ATP9B: variants seen among roughly 807,000 people sequenced by gnomAD.
ATP9B encodes the protein probable phospholipid-transporting ATPase IIB.
A neutral mutation model predicts 146.1 loss-of-function variants in ATP9B; 110 were observed. The ratio of observed to expected loss-of-function variants is 0.75; its 90% CI spans 0.65 to 0.88. The LOEUF (loss-of-function observed/expected upper bound fraction) is 0.88. Among genes scored for constraint, ATP9B ranks in the 40% least tolerant of loss-of-function variants. The pLI is 0.00. For missense variants in ATP9B, 1,499 were observed against 1,496.4 expected, an observed-to-expected ratio of 1.00 and a Z score of -0.03; for synonymous variants, 604 against 569.7, an observed-to-expected ratio of 1.06 and a Z score of -0.86.
At chr18:79,310,796 T>TG (rs397954305) in intron 15 of ATP9B, among the ~76,000 whole-genome samples, 2 of 151,968 alleles carry the variant, frequency 1.3e-5, no homozygotes, top group Non-Finnish European at 2.9e-5. Context: ...GGTTTTTTTT[T>TG]GTTTCCTTTT....
rs372135221 is a variant in ATP9B at position 79,143,765 on chromosome 18, G to T, written c.668-37G>T. On this transcript the variant is annotated intron_variant, in intron 5 of 29. Transcript: ENST00000426216. Reference sequence around the variant, plus strand: ...GAAAGTTGAACTTGGGTGTGCTGTTGTTTCCTTGAGTTGACTGTACTTCTT... The same window carrying T: ...GAAAGTTGAACTTGGGTGTGCTGTTTTTTCCTTGAGTTGACTGTACTTCTT... 2.1e-5 allele frequency: 29 copies of T among 1,401,176 alleles called. No homozygotes were observed. The African/African-American group carries it at 3.2e-4, about 16-fold the overall frequency. 86.8% of individuals were successfully genotyped at this position (1,401,176 alleles called of 1,614,324 possible).
chr18:79,324,919 A>G (rs1323202275), intron 15 of ATP9B, among the ~76,000 whole-genome samples: 1 of 152,234 alleles, frequency 6.6e-6, no homozygotes, highest in South Asian at 2.1e-4. Flanking sequence ...AACATTGTAC[A>G]TAGTCATTCC....
intron 13 of ATP9B, among the ~76,000 whole-genome samples, chr18:79,297,815 C>T (rs1276260553): frequency 6.7e-6 from 1 of 148,392 alleles, no homozygotes; most frequent in Non-Finnish European, 1.5e-5. Flanking sequence ...TAATGCTGGC[C>T]TGATCTGTAA....
intron 2 of ATP9B, among the ~76,000 whole-genome samples, chr18:79,099,746 G>A (rs533371298): frequency 6.6e-6 from 1 of 152,124 alleles, no homozygotes; most frequent in South Asian, 2.1e-4. Flanking sequence ...ACAGGCATGA[G>A]TCACCATGCC....
chr18:79,200,727 G>GTTGGGGTCAGAGCAGAGGCGGAGGTGGGA, intron 9 of ATP9B, among the ~76,000 whole-genome samples: 2 of 45,540 alleles, frequency 4.4e-5, no homozygotes, highest in African/African-American at 1.5e-4. Context: ...TGGAGGTGGG[G>GTTGGGGTCAGAGCAGAGGCGGAGGTGGGA]ACTGTCGGGG....
At chr18:79,336,792 A>C in intron 18 of ATP9B, 81 bp downstream of exon 18, 1 of 1,422,312 alleles carries the variant, frequency 7.0e-7, no homozygotes, top group Non-Finnish European at 9.8e-7. Context: ...TCTTTGTATG[A>C]AATTAGAGCT....
At chr18:79,289,449 T>TGA (rs2096479382) in intron 13 of ATP9B, among the ~76,000 whole-genome samples, 1 of 152,254 alleles carries the variant, frequency 6.6e-6, no homozygotes, top group African/African-American at 2.4e-5. Context: ...TTCTCGAGAC[T>TGA]TGGCTTTCAG....
chr18:79,092,169 A>G (rs1354568249), intron 1 of ATP9B, among the ~76,000 whole-genome samples: 1 of 152,170 alleles, frequency 6.6e-6, no homozygotes, highest in African/African-American at 2.4e-5. Flanking sequence ...TACTTCCTCT[A>G]GATACTGAGT....
In ATP9B at chr18:79,350,771, C is replaced by CTTTTTTTTTT. The variant is rs34086629; in HGVS notation, c.2903+2581_2903+2590dup. ...TTTACAGTAATTATTACATTAGTTGCTTTTTTTTTTTTTTTGAGACAGAGT... is the reference window on the plus strand; with the variant it reads ...TTTACAGTAATTATTACATTAGTTGCTTTTTTTTTTTTTTTTTTTTTTTTTGAGACAGAGT... On this transcript the variant is annotated intron_variant, in intron 25 of 29. Coordinates refer to ENST00000426216, the MANE Select transcript of ATP9B (RefSeq NM_198531.5). Among the ~76,000 whole-genome samples, 2 of 140,818 alleles carry CTTTTTTTTTT rather than the reference C, an allele frequency of 1.4e-5. 1 individual carries two copies. The highest frequency in any genetic ancestry group is 5.3e-5 in the African/African-American group (2 of 37,968). The allele number at this position is 140,818 out of a possible 152,430, so 92.4% of individuals were successfully genotyped here.
At chr18:79,166,749 C>A (rs2094971496) in intron 7 of ATP9B, among the ~76,000 whole-genome samples, 1 of 152,228 alleles carries the variant, frequency 6.6e-6, no homozygotes, top group Non-Finnish European at 1.5e-5. Context: ...CAGCCACAAA[C>A]CTCTATGGCC....
At chr18:79,331,180 G>C (rs1187859814) in intron 17 of ATP9B, among the ~76,000 whole-genome samples, 1 of 152,192 alleles carries the variant, frequency 6.6e-6, no homozygotes, top group Non-Finnish European at 1.5e-5. Context: ...TTGGAATTCA[G>C]AGTCTCTCCT....
intron 15 of ATP9B, 86 bp downstream of exon 15, chr18:79,307,320 A>C: frequency 6.4e-7 from 1 of 1,570,882 alleles, no homozygotes; most frequent in Non-Finnish European, 8.7e-7. Flanking sequence ...GGGATGGGGA[A>C]TATAGAGGAG....
At chr18:79,370,089 A>G (rs1317882532) in intron 26 of ATP9B, among the ~76,000 whole-genome samples, 1 of 152,068 alleles carries the variant, frequency 6.6e-6, no homozygotes, top group Non-Finnish European at 1.5e-5. Flanking sequence ...ACAGAGCAAG[A>G]CTCCATCTCA....
chr18:79,272,910 C>T lies in ATP9B; in HGVS notation c.1269-4144C>T, dbSNP rs1011535850. 2.0e-5 allele frequency among the ~76,000 whole-genome samples: 3 copies of T among 152,294 alleles called. No individual in the cohort carries two copies. In the South Asian group the frequency reaches 6.2e-4, roughly 32 times the overall value. On this transcript the variant is annotated intron_variant, in intron 12 of 29. Coordinates refer to ENST00000426216, the MANE Select transcript of ATP9B (RefSeq NM_198531.5). ...ATTAGGAATCAATACAGGTAAAACACAGTTACCTATGCCTCCTCCCTACGA... is the reference window on the plus strand; with the variant it reads ...ATTAGGAATCAATACAGGTAAAACATAGTTACCTATGCCTCCTCCCTACGA...
chr18:79,079,256 GAACT>G (rs1199886562), intron 1 of ATP9B, among the ~76,000 whole-genome samples: 6 of 152,296 alleles, frequency 3.9e-5, no homozygotes, highest in South Asian at 2.1e-4. Flanking sequence ...CACAATGGTT[GAACT>G]AACTTACACT....
At chr18:79,290,629 G>A (rs1369114533) in intron 13 of ATP9B, among the ~76,000 whole-genome samples, 1 of 152,146 alleles carries the variant, frequency 6.6e-6, no homozygotes, top group Non-Finnish European at 1.5e-5. Flanking sequence ...CACTGTCCTG[G>A]GCCCACTGTC....
intron 12 of ATP9B, among the ~76,000 whole-genome samples, chr18:79,262,852 CTT>C (rs2096158359): frequency 6.6e-6 from 1 of 152,138 alleles, no homozygotes; most frequent in South Asian, 2.1e-4. Context: ...GTATAAATCT[CTT>C]ATTAGTTATA....
At chr18:79,372,482 A>G (rs545729910) in intron 26 of ATP9B, 1 of 449,042 alleles carries the variant, frequency 2.2e-6, no homozygotes, top group Admixed American at 2.8e-5. Context: ...AATAAGGGAA[A>G]ATGTTTTTAT....
Position 79,337,302 on chromosome 18 carries a change from G to C in ATP9B, c.2136G>C (p.Leu712=). The part of the protein sequence containing the change: ...DFESRYTQAK[L]SMHDRSLKVA... ...AGAGCCGATACACTCAAGCCAAGCT[G>C]AGCATGCACGACAGGTCCCTCAAGG... Residue 712 remains leucine (L), a synonymous_variant, in exon 19 of 30, where the codon CTG becomes CTC. Transcript: ENST00000426216. 6.2e-7 allele frequency: 1 copy of C among 1,614,046 alleles called. No homozygotes were observed. Among genetic ancestry groups the C allele is most frequent in the Non-Finnish European group, 8.5e-7 (1 of 1,180,002 alleles).
Sources: gnomAD v4.1 joint callset for allele counts (sites outside exome capture counted in the v4.1 genomes callset) on GRCh38, gnomAD v4.1.1 for gene constraint, MANE v1.5 for transcripts, NCBI Gene and HGNC (gene_info 2026-07-23, HGNC 2026-07-21) for gene names.